Variants in NFIA observed in about 807,000 individuals in gnomAD.
The protein encoded by NFIA is nuclear factor I A.
NFIA carries 8 observed loss-of-function variants against 62.8 expected under a neutral mutation model. The observed-to-expected ratio is 0.13, with a 90% confidence interval of 0.07 to 0.23. NFIA has a LOEUF of 0.23. Ranked by LOEUF, NFIA falls within the 10% of genes least tolerant of loss-of-function variation. The pLI, the probability that NFIA is intolerant of heterozygous loss-of-function variation, is 1.00. For synonymous variants in NFIA, 235 were observed against 238.1 expected, an observed-to-expected ratio of 0.99 and a Z score of 0.12; for missense variants, 410 against 642.1, an observed-to-expected ratio of 0.64 and a Z score of 3.91.
chr1:61,347,222 A>G (rs67063492), intron 4 of NFIA, among the ~76,000 whole-genome samples: 58,238 of 134,502 alleles, frequency 0.43, 12,373 homozygotes, highest in Middle Eastern at 0.55. Context: ...CGCCCAGGCT[A>G]GAGTGCAGTG....
chr1:61,263,337 G>T (rs2100243945), intron 2 of NFIA, among the ~76,000 whole-genome samples: 1 of 152,254 alleles, frequency 6.6e-6, no homozygotes, highest in East Asian at 1.9e-4. Flanking sequence ...TAGTGCCTTG[G>T]CTGTGCTGAT....
chr1:61,124,646 G>T (rs1570208927), intron 2 of NFIA: 1 of 152,098 alleles, frequency 6.6e-6, no homozygotes. Flanking sequence ...AGTGTTTATT[G>T]TCATGGTTGA....
At chr1:61,233,121 C>A (rs994473009) in intron 2 of NFIA, among the ~76,000 whole-genome samples, 4 of 152,128 alleles carry the variant, frequency 2.6e-5, no homozygotes, top group African/African-American at 9.7e-5. Flanking sequence ...TCCCTCCTTG[C>A]CTTTCACAGA....
At chr1:61,420,143 C>G (rs1002558254) in intron 9 of NFIA, among the ~76,000 whole-genome samples, 1 of 152,122 alleles carries the variant, frequency 6.6e-6, no homozygotes, top group African/African-American at 2.4e-5. Flanking sequence ...CTCTAGCTAT[C>G]TAATAATATT....
intron 2 of NFIA, among the ~76,000 whole-genome samples, chr1:61,245,681 A>T (rs1238668203): frequency 6.6e-6 from 1 of 152,104 alleles, no homozygotes; most frequent in Non-Finnish European, 1.5e-5. Context: ...ATATCAAGAC[A>T]TTTAGGTTTT....
chr1:61,082,481 G>T, upstream of NFIA: 1 of 1,084,174 alleles, frequency 9.2e-7, no homozygotes, highest in Non-Finnish European at 1.1e-6. Flanking sequence ...GGGCCGGCGC[G>T]GGAGCGGGAA....
At chr1:61,365,617 A>C (rs1273050022) in intron 6 of NFIA, among the ~76,000 whole-genome samples, 5 of 152,184 alleles carry the variant, frequency 3.3e-5, no homozygotes, top group Non-Finnish European at 1.5e-5. Flanking sequence ...ATTAAAGTCA[A>C]GCCAAGTTGT....
intron 2 of NFIA, among the ~76,000 whole-genome samples, chr1:61,112,623 G>C (rs1188803487): frequency 6.6e-6 from 1 of 152,144 alleles, no homozygotes; most frequent in Non-Finnish European, 1.5e-5. Context: ...ATGTGTGATA[G>C]CTCACATCTG....
intron 7 of NFIA, among the ~76,000 whole-genome samples, chr1:61,391,839 T>C (rs992982255): frequency 1.3e-5 from 2 of 152,272 alleles, no homozygotes; most frequent in African/African-American, 4.8e-5. Context: ...GAGAACATGC[T>C]GGTGATCCAC....
intron 4 of NFIA, among the ~76,000 whole-genome samples, chr1:61,344,521 T>G (rs1557720481): frequency 6.6e-6 from 1 of 152,252 alleles, no homozygotes; most frequent in Admixed American, 6.5e-5. Flanking sequence ...TTGCCATTCT[T>G]TCATATTCCT....
At chr1:61,281,131 C>T (rs1452235973) in intron 3 of NFIA, among the ~76,000 whole-genome samples, 1 of 151,644 alleles carries the variant, frequency 6.6e-6, no homozygotes, top group East Asian at 1.9e-4. Flanking sequence ...TACCACTACT[C>T]GGGAGGCTGA....
intron 2 of NFIA, among the ~76,000 whole-genome samples, chr1:61,151,547 A>G (rs1423376844): frequency 1.3e-5 from 2 of 152,162 alleles, no homozygotes; most frequent in African/African-American, 4.8e-5. Context: ...AGGGAAAAGG[A>G]GAAAAGAAGG....
At chr1:61,317,085 ATAAAT>A (rs1427317546) in intron 3 of NFIA, among the ~76,000 whole-genome samples, 2 of 152,188 alleles carry the variant, frequency 1.3e-5, no homozygotes, top group Non-Finnish European at 2.9e-5. Flanking sequence ...TCTAAATTAA[ATAAAT>A]TAAATTCAGT....
chr1:61,169,044 T>C (rs1649770452), intron 2 of NFIA, among the ~76,000 whole-genome samples: 1 of 152,206 alleles, frequency 6.6e-6, no homozygotes, highest in Non-Finnish European at 1.5e-5. Context: ...CCTAAATGCA[T>C]AAAATAGCAA....
chr1:61,200,058 ATATATATATG>A lies in NFIA; in HGVS notation c.560-77458_560-77449del, dbSNP rs200385954. 2.0e-3 allele frequency among the ~76,000 whole-genome samples: 96 copies of A among 46,854 alleles called. 1 individual carries two copies. Among genetic ancestry groups the A allele is most frequent in the East Asian group, 0.011 (7 of 654 alleles). The allele number at this position is 46,854 out of a possible 152,430, so 30.7% of individuals were successfully genotyped here. On this transcript the variant is annotated intron_variant, in intron 2 of 10. Transcript: ENST00000403491. ...TATATATATATATATATATATATAT[ATATATATATG>A]TATGTATGTTGAGCTAGAATTATGC...
chr1:61,422,616 C>G (rs1252884103), intron 9 of NFIA, among the ~76,000 whole-genome samples: 2 of 152,064 alleles, frequency 1.3e-5, no homozygotes, highest in African/African-American at 4.8e-5. Flanking sequence ...GTTCAGTCCT[C>G]TCAGGGACAT....
chr1:61,260,758 T>G (rs1262314720), intron 2 of NFIA, among the ~76,000 whole-genome samples: 3 of 152,008 alleles, frequency 2.0e-5, no homozygotes, highest in African/African-American at 7.2e-5. Context: ...TTTTTTGTAT[T>G]TTTAGTAGAG....
At chr1:61,225,127 AT>A (rs1654247854) in intron 2 of NFIA, among the ~76,000 whole-genome samples, 1 of 151,120 alleles carries the variant, frequency 6.6e-6, no homozygotes, top group South Asian at 2.1e-4. Context: ...TCACTTATAT[AT>A]TTTGTTTTTT....
intron 2 of NFIA, among the ~76,000 whole-genome samples, chr1:61,187,324 A>G (rs1651261051): frequency 6.6e-6 from 1 of 152,184 alleles, no homozygotes; most frequent in Non-Finnish European, 1.5e-5. Context: ...TCCAAAGAGA[A>G]CAAGTTCCCA....
Sources: allele counts gnomAD v4.1 joint callset (sites outside exome capture counted in the v4.1 genomes callset), GRCh38; gene constraint gnomAD v4.1.1; transcripts MANE v1.5; gene names NCBI Gene and HGNC (gene_info 2026-07-23, HGNC 2026-07-21).